Variants in ALOX12B observed in about 807,000 individuals in gnomAD.
ALOX12B encodes the protein arachidonate 12-lipoxygenase, 12R type.
Under a neutral mutation model 78.9 loss-of-function variants are expected in ALOX12B, and 47 were observed. That is an observed-to-expected ratio of 0.60 (90% CI 0.47 to 0.76). The LOEUF (loss-of-function observed/expected upper bound fraction) is 0.76, where lower values mean the gene tolerates loss of function less well. Among genes scored for constraint, ALOX12B ranks in the 30% least tolerant of loss-of-function variants. The pLI is 0.00. For missense variants in ALOX12B, 805 were observed against 922.6 expected (o/e 0.87, Z 1.65); for synonymous variants, 370 against 374.5 (o/e 0.99, Z 0.14).
intron 2 of ALOX12B, among the ~76,000 whole-genome samples, chr17:8,084,391 C>A (rs1598183463): frequency 1.3e-5 from 2 of 152,178 alleles, no homozygotes; most frequent in Admixed American, 6.5e-5. Flanking sequence ...GTTGTGCAAC[C>A]CAGAGACCTA....
intron 1 of ALOX12B, 90 bp from the exon 2 acceptor site, chr17:8,086,310 T>A: frequency 7.6e-7 from 1 of 1,318,766 alleles, no homozygotes; most frequent in Non-Finnish European, 1.1e-6. Flanking sequence ...TAGGCCCTGC[T>A]CATGCTGCGC....
chr17:8,079,952 G>C lies in ALOX12B; in HGVS notation c.755-11C>G, dbSNP rs768848902. ...GCTCGGCCACGTACTCTGCGAGGAC[G>C]GCGCGAGGGCGTCACAAGGAGGCCC... On this transcript the variant is annotated splice_polypyrimidine_tract_variant and intron_variant, in intron 6 of 14. Transcript: ENST00000647874. This position sits in a 1 kb window ranked among gnomAD's most constrained non-coding sequence, Gnocchi z 6.4. 7.5e-6 allele frequency: 12 copies of C among 1,609,058 alleles called. No individual in the cohort carries two copies. The South Asian group carries it at 1.2e-4, about 16-fold the overall frequency.
intron 1 of ALOX12B, among the ~76,000 whole-genome samples, chr17:8,086,490 C>T (rs969578323): frequency 2.6e-5 from 4 of 152,222 alleles, no homozygotes; most frequent in East Asian, 1.9e-4. Flanking sequence ...TCCCACTCCC[C>T]TCTCCAGGCA....
chr17:8,085,600 TC>T (rs1202200183), intron 2 of ALOX12B, among the ~76,000 whole-genome samples: 3 of 152,160 alleles, frequency 2.0e-5, no homozygotes, highest in African/African-American at 7.2e-5. Context: ...TAACAGGGCG[TC>T]TTTCTGGAGC....
At chr17:8,076,827 T>A in intron 9 of ALOX12B, 84 bp from the exon 10 acceptor site, 2 of 1,472,484 alleles carry the variant, frequency 1.4e-6, no homozygotes, top group Non-Finnish European at 1.9e-6. Context: ...TAACGTCAGA[T>A]CTGCTCACTC....
At position 8,075,609 on chromosome 17, in the gene ALOX12B, C is replaced by T; in HGVS notation, c.1640G>A (p.Gly547Glu). The T allele has an allele frequency of 3.1e-6, 5 of 1,614,190 alleles. No homozygotes were observed. Among genetic ancestry groups the T allele is most frequent in the Non-Finnish European group, 4.2e-6 (5 of 1,180,032 alleles). The change falls in exon 12 of 15, where the codon GGG becomes GAG. Residue 547 changes from glycine (G) to glutamate (E), a missense_variant. Transcript: ENST00000647874. Reference sequence around the variant, plus strand: ...CAGGCCCATACCTGAGCTCTCCCGCCCCAGGAGGCACTCTTTAAATATTTC... The same window carrying T: ...CAGGCCCATACCTGAGCTCTCCCGCTCCAGGAGGCACTCTTTAAATATTTC... The part of the protein sequence containing the change: ...VQEIFKECLL[G>E]RESSGFPRCL...
intron 14 of ALOX12B, 82 bp from the exon 15 acceptor site, chr17:8,073,032 T>G: frequency 6.3e-7 from 1 of 1,597,226 alleles, no homozygotes; most frequent in Admixed American, 1.7e-5. Flanking sequence ...CCCTCCACCC[T>G]TTGGTTTCAG....
Position 8,076,694 on chromosome 17 carries a change from C to T in ALOX12B, c.1325G>A (p.Arg442Gln), listed in dbSNP as rs1028050037. 7.7e-6 allele frequency: 12 copies of T among 1,551,162 alleles called. No homozygotes were observed. The highest frequency in any genetic ancestry group is 2.7e-5 in the African/African-American group (2 of 73,028). ...RYTVQINSIG[R>Q]AVLLNEGGLS... is the part of the protein sequence containing the mutation. ...CCCCCCCTCATTGAGGAGAACGGCCCGGCCAATGCTGTTGATCTGGACGGT... is the reference window on the plus strand; with the variant it reads ...CCCCCCCTCATTGAGGAGAACGGCCTGGCCAATGCTGTTGATCTGGACGGT... Residue 442 changes from arginine (R) to glutamine (Q), a missense_variant, in exon 10 of 15, where the codon CGG (arginine) becomes CAG (glutamine). Coordinates refer to ENST00000647874, the MANE Select transcript of ALOX12B (RefSeq NM_001139.3).
chr17:8,080,855 C>T lies in ALOX12B; in HGVS notation c.527+29G>A. ...CAGGCGCCCAGGGGAAAACCATGGG[C>T]GGGGCCCAGCACAGCTTCGGGTCCT... On this transcript the variant is annotated intron_variant, in intron 4 of 14. Transcript: ENST00000647874. The surrounding 1 kb of genome is among the most constrained non-coding windows in gnomAD (Gnocchi z 4.8). 3 of 1,613,798 alleles carry T rather than the reference C, an allele frequency of 1.9e-6. No homozygotes were observed. The highest frequency in any genetic ancestry group is 1.7e-6 in the Non-Finnish European group (2 of 1,179,922).
chr17:8,074,656 C>A (rs566205738), intron 12 of ALOX12B, among the ~76,000 whole-genome samples: 13 of 152,302 alleles, frequency 8.5e-5, no homozygotes, highest in African/African-American at 2.6e-4. Flanking sequence ...CAAGTCTGAT[C>A]TCCTTGCAAA....
intron 1 of ALOX12B, among the ~76,000 whole-genome samples, chr17:8,086,702 C>T (rs547890367): frequency 3.9e-5 from 6 of 152,302 alleles, no homozygotes; most frequent in African/African-American, 1.4e-4. Flanking sequence ...GTCTGAGGAC[C>T]CGCAAAGCGT....
chr17:8,073,901 C>A, intron 12 of ALOX12B, 144 bp from the exon 13 acceptor site: 1 of 720,676 alleles, frequency 1.4e-6, no homozygotes, highest in Non-Finnish European at 2.5e-6. Flanking sequence ...CCTGCGTGAC[C>A]CTCCTATGGC....
At position 8,080,219 on chromosome 17, in the gene ALOX12B, A is replaced by G. The variant is rs1977183590; in HGVS notation, c.754+16T>C. On this transcript the variant is annotated intron_variant, in intron 6 of 14. Coordinates refer to ENST00000647874, the MANE Select transcript of ALOX12B (RefSeq NM_001139.3). The surrounding 1 kb of genome is among the most constrained non-coding windows in gnomAD (Gnocchi z 4.8). ...CCTGGCTCCCCCTGCTCGATCCGGG[A>G]CGCCCCATTCCATACCGGAGACGAC... 6.2e-7 allele frequency: 1 copy of G among 1,612,098 alleles called. No homozygotes were observed. Among genetic ancestry groups the G allele is most frequent in the Non-Finnish European group, 8.5e-7 (1 of 1,178,152 alleles).
At chr17:8,084,502 C>G in intron 2 of ALOX12B, among the ~76,000 whole-genome samples, 1 of 152,206 alleles carries the variant, frequency 6.6e-6, no homozygotes. Flanking sequence ...CCACCCAACC[C>G]CATTCCTGCC....
chr17:8,080,406 G>A lies in ALOX12B; in HGVS notation c.651-68C>T. The A allele has an allele frequency of 6.4e-7, 1 of 1,558,180 alleles. No homozygotes were observed. Among genetic ancestry groups the A allele is most frequent in the Non-Finnish European group, 8.9e-7 (1 of 1,129,578 alleles). The stretch of plus-strand genomic sequence containing the variant: ...CAAGCGCCGGCTGGGGCAGGTGGCG[G>A]GGCCGCCCCATCCACTTAGGTCTCT... On this transcript the variant is annotated intron_variant, in intron 5 of 14. Coordinates refer to ENST00000647874, the MANE Select transcript of ALOX12B (RefSeq NM_001139.3). This position sits in a 1 kb window ranked among gnomAD's most constrained non-coding sequence, Gnocchi z 4.8.
chr17:8,075,573 G>T, intron 12 of ALOX12B, 22 bp downstream of exon 12: 1 of 1,613,750 alleles, frequency 6.2e-7, no homozygotes, highest in Non-Finnish European at 8.5e-7. Context: ...CCCCCTGATT[G>T]CCCAGGTGTC....
chr17:8,085,975 G>A (rs1280086143), intron 2 of ALOX12B, 41 bp downstream of exon 2: 3 of 1,606,920 alleles, frequency 1.9e-6, no homozygotes, highest in East Asian at 2.2e-5. Context: ...GGAGCTAGAG[G>A]CCTCACGGCC....
intron 12 of ALOX12B, among the ~76,000 whole-genome samples, chr17:8,074,855 GCT>G (rs1977048958): frequency 6.6e-6 from 1 of 152,120 alleles, no homozygotes; most frequent in Non-Finnish European, 1.5e-5. Flanking sequence ...TCCACATACT[GCT>G]CCCATGCGGA....
In ALOX12B at chr17:8,079,921, C is replaced by A. The variant is rs772154804; in HGVS notation, c.775G>T (p.Ala259Ser). 14 of 1,612,674 alleles carry A rather than the reference C, an allele frequency of 8.7e-6. 2 individuals carry two copies. The South Asian group carries it at 1.5e-4, about 18-fold the overall frequency. Residue 259 changes from alanine (A) to serine (S), a missense_variant, in exon 7 of 15, where the codon GCA (alanine) becomes TCA (serine). Transcript: ENST00000647874. This position sits in a 1 kb window ranked among gnomAD's most constrained non-coding sequence, Gnocchi z 6.4. ...TGGTACCCAAAGAAGGTGTCCTCTG[C>A]CCAGTGCTCGGCCACGTACTCTGCG... ...VVSEYVAEHWAEDTFFGYQYL... is the reference protein window; with the variant it reads ...VVSEYVAEHWSEDTFFGYQYL...
Sources: allele counts gnomAD v4.1 joint callset (sites outside exome capture counted in the v4.1 genomes callset), GRCh38; gene constraint gnomAD v4.1.1; non-coding constraint Gnocchi (gnomAD v3.1); transcripts MANE v1.5; gene names NCBI Gene and HGNC (gene_info 2026-07-23, HGNC 2026-07-21).